CCDC180: variants seen among roughly 807,000 people sequenced by gnomAD.
The protein encoded by CCDC180 is coiled-coil domain-containing protein 180.
A neutral mutation model predicts 209.2 loss-of-function variants in CCDC180; 154 were observed. That is an observed-to-expected ratio of 0.74 (90% confidence interval 0.65 to 0.84). The LOEUF is 0.84. Among genes scored for constraint, CCDC180 ranks in the 40% least tolerant of loss-of-function variants. The probability of loss-of-function intolerance (pLI) is 0.00; values close to 1 mark genes in which losing one functional copy is unlikely to be tolerated. For synonymous variants in CCDC180, 778 were observed against 749.1 expected (o/e 1.04, Z -0.63); for missense variants, 1,874 against 1,997.3 (o/e 0.94, Z 1.18).
At chr9:97,320,250 T>C in intron 11 of CCDC180, 45 bp downstream of exon 11, 4 of 1,532,538 alleles carry the variant, frequency 2.6e-6, no homozygotes, top group Non-Finnish European at 2.7e-6. Flanking sequence ...TCCAGAACTG[T>C]TTAAGCAGTT....
chr9:97,309,998 C>T (rs912774792), intron 3 of CCDC180, among the ~76,000 whole-genome samples: 4 of 152,200 alleles, frequency 2.6e-5, no homozygotes, highest in African/African-American at 7.2e-5. Context: ...AGTATGGGGA[C>T]AAGGCTCTGA....
intron 26 of CCDC180, 138 bp downstream of exon 26, chr9:97,360,239 T>C (rs1826711585): frequency 9.6e-7 from 1 of 1,042,900 alleles, no homozygotes; most frequent in Non-Finnish European, 1.4e-6. Flanking sequence ...ACTGAGATGC[T>C]GTGGAAAGAT....
chr9:97,375,926 CAG>C lies in CCDC180; in HGVS notation c.4842+338_4842+339del, dbSNP rs566944217. On this transcript the variant is annotated intron_variant, in intron 36 of 36. Coordinates refer to ENST00000529487, the MANE Select transcript of CCDC180 (RefSeq NM_020893.6). ...ACGGAAGCAATGGTAGCCGTAGGCT[CAG>C]GGGGGACACAGCAGCAGGAGCAGTC... is the stretch of plus-strand genomic sequence containing the variant. 3.4e-3 allele frequency: 990 copies of C among 292,826 alleles called. 5 individuals are homozygous for C. Among genetic ancestry groups the C allele is most frequent in the Non-Finnish European group, 3.6e-3 (562 of 155,662 alleles). The allele number at this position is 292,826 out of a possible 1,614,324, so 18.1% of individuals were successfully genotyped here. A position where few individuals can be genotyped will look rare whatever the true frequency, so the allele number is the denominator to read the frequency against.
chr9:97,321,906 C>A (rs1217026805), intron 11 of CCDC180, among the ~76,000 whole-genome samples: 1 of 152,108 alleles, frequency 6.6e-6, no homozygotes, highest in African/African-American at 2.4e-5. Flanking sequence ...AGGGCTGGGG[C>A]CTTTGGAAAC....
intron 25 of CCDC180, among the ~76,000 whole-genome samples, chr9:97,358,420 C>T (rs1826650961): frequency 6.6e-6 from 1 of 152,128 alleles, no homozygotes; most frequent in African/African-American, 2.4e-5. Flanking sequence ...TCGCATTCGG[C>T]CTCACTTGCT....
chr9:97,312,021 C>A, intron 3 of CCDC180, 92 bp from the exon 4 acceptor site: 1 of 1,077,504 alleles, frequency 9.3e-7, no homozygotes, highest in Non-Finnish European at 1.4e-6. Context: ...CACAGTCCCT[C>A]TGGAGAACCA....
chr9:97,318,541 C>T lies in CCDC180; in HGVS notation c.1038C>T (p.Asn346=), dbSNP rs146069415. The change falls in exon 10 of 37, where the codon AAC becomes AAT. Residue 346 remains asparagine (N), a synonymous_variant. Transcript: ENST00000529487. ...TAGAGGTCATGCTGAAGACCCAGAA[C>T]GTCCTGCAGCAAAGGCGGCTGAAGC... ...KELEVMLKTQ[N]VLQQRRLKHL... 6.2e-7 allele frequency: 1 copy of T among 1,613,614 alleles called. No individual in the cohort carries two copies. Among genetic ancestry groups the T allele is most frequent in the Non-Finnish European group, 8.5e-7 (1 of 1,179,952 alleles).
chr9:97,345,008 C>T (rs1378639419), intron 19 of CCDC180, among the ~76,000 whole-genome samples: 9 of 152,110 alleles, frequency 5.9e-5, no homozygotes, highest in Admixed American at 5.2e-4. Context: ...GTTTATGAGA[C>T]ATATATATTA....
In CCDC180 at chr9:97,360,730, C is replaced by T. The variant is rs117037138; in HGVS notation, c.3483+629C>T. Among the ~76,000 whole-genome samples, 529 of 152,180 alleles carry T rather than the reference C, an allele frequency of 3.5e-3. 4 individuals carry two copies. The highest frequency in any genetic ancestry group is 8.9e-3 in the South Asian group (43 of 4,816). On this transcript the variant is annotated intron_variant, in intron 26 of 36. Transcript: ENST00000529487. ...CCTCCTGGTCTGGGTCGGGGTCTCCCGGCCCATAGCACCTCCCACTTCCCC... is the reference window on the plus strand; with the variant it reads ...CCTCCTGGTCTGGGTCGGGGTCTCCTGGCCCATAGCACCTCCCACTTCCCC...
upstream of CCDC180, chr9:97,307,564 C>T: frequency 3.1e-6 from 2 of 646,520 alleles, no homozygotes; most frequent in Non-Finnish European, 5.6e-6. Flanking sequence ...TACTCTCTCC[C>T]TCCAATTCTC....
chr9:97,322,832 G>A lies in CCDC180; in HGVS notation c.1160-1G>A. On this transcript the variant is annotated splice_acceptor_variant, in intron 11 of 36. Transcript: ENST00000529487. LOFTEE classifies it high-confidence loss of function. ...ATTTGCTTTGTTTTCTGCCCATGGA[G>A]ACACCTACCACGTGGACTGCATGAT... is the stretch of plus-strand genomic sequence containing the variant. 1 of 1,613,712 alleles carries A rather than the reference G, an allele frequency of 6.2e-7. No homozygotes were observed. Among genetic ancestry groups the A allele is most frequent in the South Asian group, 1.1e-5 (1 of 91,066 alleles).
intron 5 of CCDC180, 86 bp downstream of exon 5, chr9:97,313,431 T>G: frequency 1.1e-6 from 1 of 898,440 alleles, no homozygotes; most frequent in Non-Finnish European, 1.8e-6. Flanking sequence ...CCTCCCCCTC[T>G]CCAGCAGAGA....
At chr9:97,331,246 G>A (rs1825736378) in intron 18 of CCDC180, among the ~76,000 whole-genome samples, 1 of 152,174 alleles carries the variant, frequency 6.6e-6, no homozygotes, top group African/African-American at 2.4e-5. Context: ...CAAAGGACAT[G>A]ATCCCATTCT....
intron 3 of CCDC180, among the ~76,000 whole-genome samples, chr9:97,311,478 C>G (rs975845680): frequency 6.6e-6 from 1 of 152,166 alleles, no homozygotes. Flanking sequence ...GGTGCTTGCC[C>G]CATGGACAGG....
At chr9:97,358,698 C>G (rs2118855593) in intron 25 of CCDC180, among the ~76,000 whole-genome samples, 1 of 152,226 alleles carries the variant, frequency 6.6e-6, no homozygotes, top group East Asian at 1.9e-4. Flanking sequence ...CTTAAACTTG[C>G]TCAACTCAGT....
At chr9:97,307,835 A>G (rs767876516) in intron 1 of CCDC180, 29 bp downstream of exon 1, 4 of 1,613,732 alleles carry the variant, frequency 2.5e-6, no homozygotes, top group Admixed American at 3.3e-5. Context: ...TTGAAAGTTA[A>G]AACCCTAAGT....
At chr9:97,360,779 T>A (rs1177421308) in intron 26 of CCDC180, among the ~76,000 whole-genome samples, 1 of 152,158 alleles carries the variant, frequency 6.6e-6, no homozygotes, top group Non-Finnish European at 1.5e-5. Flanking sequence ...TCCATTTCGG[T>A]TGCTGTCTGC....
intron 1 of CCDC180, 63 bp downstream of exon 1, chr9:97,307,869 C>T (rs370078752): frequency 1.2e-6 from 2 of 1,607,034 alleles, no homozygotes; most frequent in Non-Finnish European, 1.7e-6. Context: ...CCGCCTACCC[C>T]CCAGCAGAGA....
intron 13 of CCDC180, among the ~76,000 whole-genome samples, chr9:97,324,448 T>C (rs368362983): frequency 6.6e-6 from 1 of 152,250 alleles, no homozygotes; most frequent in Non-Finnish European, 1.5e-5. Flanking sequence ...TTTGATTATT[T>C]TCCAGCCATT....
Sources: allele counts gnomAD v4.1 joint callset (sites outside exome capture counted in the v4.1 genomes callset), GRCh38; gene constraint gnomAD v4.1.1; transcripts MANE v1.5; gene names NCBI Gene and HGNC (gene_info 2026-07-23, HGNC 2026-07-21).